The following CCSER1 variants were observed in gnomAD, a reference collection of about 807,000 sequenced individuals.
The protein encoded by CCSER1 is coiled-coil serine rich protein 1.
CCSER1 carries 41 observed loss-of-function variants against 82.0 expected under a neutral mutation model. That is an observed-to-expected ratio of 0.50 (90% CI 0.39 to 0.65). The LOEUF (loss-of-function observed/expected upper bound fraction) is 0.65. Among genes scored for constraint, CCSER1 ranks in the 30% least tolerant of loss-of-function variants. CCSER1 has a pLI of 0.00. For synonymous variants in CCSER1, 414 were observed against 383.9 expected, an observed-to-expected ratio of 1.08 and a Z score of -0.92; for missense variants, 1,119 against 1,064.2, an observed-to-expected ratio of 1.05 and a Z score of -0.72.
intron 10 of CCSER1, among the ~76,000 whole-genome samples, chr4:91,190,199 G>C (rs144767982): frequency 6.6e-6 from 1 of 152,108 alleles, no homozygotes; most frequent in Non-Finnish European, 1.5e-5. Flanking sequence ...ATGGACAAGC[G>C]GTACAATCTC....
rs187370395 is a variant in CCSER1 at position 90,522,754 on chromosome 4, G to A, written c.1724+54400G>A. On this transcript the variant is annotated intron_variant, in intron 5 of 10. Coordinates refer to ENST00000509176, the MANE Select transcript of CCSER1 (RefSeq NM_001145065.2). ...TATGCTCCATTACAGAACTTAACAG[G>A]CATATTATAATTTCTGTTTATAAAT... is the stretch of plus-strand genomic sequence containing the variant. Among the ~76,000 whole-genome samples the A allele has an allele frequency of 6.7e-3, 1,017 of 152,042 alleles. 8 individuals carry two copies. The highest frequency in any genetic ancestry group is 0.011 in the Non-Finnish European group (747 of 67,950).
At chr4:90,546,588 G>A (rs1348996132) in intron 5 of CCSER1, among the ~76,000 whole-genome samples, 1 of 152,000 alleles carries the variant, frequency 6.6e-6, no homozygotes, top group Non-Finnish European at 1.5e-5. Flanking sequence ...CAATTTAGTA[G>A]AAAATAATTT....
chr4:91,137,825 C>A (rs1728635442), intron 10 of CCSER1, among the ~76,000 whole-genome samples: 1 of 150,916 alleles, frequency 6.6e-6, no homozygotes, highest in Non-Finnish European at 1.5e-5. Context: ...TGAGTGAAAT[C>A]CCATTCACAA....
chr4:90,605,198 AC>A (rs1183011825), intron 5 of CCSER1, among the ~76,000 whole-genome samples: 1 of 151,966 alleles, frequency 6.6e-6, no homozygotes, highest in Non-Finnish European at 1.5e-5. Context: ...GAAGTAACAA[AC>A]TCCGGACATA....
Position 90,309,274 on chromosome 4 carries a change from T to C in CCSER1, c.990T>C (p.Cys330=). ...SPGKYRLEGQ[C]STESNSLPET... ...GGAAATATAGGTTAGAGGGTCAATGTAGCACTGAATCTAATTCATTACCGG... is the reference window on the plus strand; with the variant it reads ...GGAAATATAGGTTAGAGGGTCAATGCAGCACTGAATCTAATTCATTACCGG... The change falls in exon 2 of 11, where the codon TGT becomes TGC. Residue 330 remains cysteine, a synonymous_variant. Transcript: ENST00000509176. 1.2e-6 allele frequency: 2 copies of C among 1,613,892 alleles called. No individual in the cohort carries two copies. The highest frequency in any genetic ancestry group is 1.7e-6 in the Non-Finnish European group (2 of 1,179,828).
At chr4:91,482,101 C>T (rs1757950271) in intron 10 of CCSER1, among the ~76,000 whole-genome samples, 1 of 152,080 alleles carries the variant, frequency 6.6e-6, no homozygotes, top group Middle Eastern at 3.4e-3. Flanking sequence ...GAATGGTGAT[C>T]ATTAAAAAGT....
chr4:90,229,969 G>A (rs1170308284), intron 1 of CCSER1, among the ~76,000 whole-genome samples: 2 of 152,044 alleles, frequency 1.3e-5, no homozygotes, highest in Admixed American at 6.6e-5. Flanking sequence ...AGATTCATAA[G>A]GCAAGTCCTG....
chr4:90,308,161 T>C, intron 1 of CCSER1, 83 bp from the exon 2 acceptor site: 1 of 1,060,520 alleles, frequency 9.4e-7, no homozygotes, highest in Non-Finnish European at 1.3e-6. Context: ...ATTTTGTGTC[T>C]CGAAAAGCAA....
intron 7 of CCSER1, among the ~76,000 whole-genome samples, chr4:90,730,719 G>A (rs1190979797): frequency 2.0e-5 from 3 of 152,134 alleles, no homozygotes; most frequent in Non-Finnish European, 4.4e-5. Context: ...TTTTAGTAGA[G>A]ACCATAATGA....
At chr4:90,211,610 G>A (rs1370907068) in intron 1 of CCSER1, among the ~76,000 whole-genome samples, 6 of 152,184 alleles carry the variant, frequency 3.9e-5, no homozygotes, top group African/African-American at 9.7e-5. Flanking sequence ...AGGAAAGCTG[G>A]TGGGATGTAG....
intron 7 of CCSER1, among the ~76,000 whole-genome samples, chr4:90,788,804 T>C (rs1444179022): frequency 2.6e-5 from 4 of 152,206 alleles, no homozygotes; most frequent in Non-Finnish European, 5.9e-5. Context: ...TCCTTTATCA[T>C]TGACTGACTC....
At chr4:90,970,971 G>A (rs7690963) in intron 9 of CCSER1, among the ~76,000 whole-genome samples, 1 of 151,340 alleles carries the variant, frequency 6.6e-6, no homozygotes, top group Non-Finnish European at 1.5e-5. Flanking sequence ...AGAGAAAAAG[G>A]CCTCAAATAA....
intron 3 of CCSER1, among the ~76,000 whole-genome samples, chr4:90,340,467 TC>T (rs1317247838): frequency 6.6e-6 from 1 of 152,190 alleles, no homozygotes; most frequent in Non-Finnish European, 1.5e-5. Flanking sequence ...AAATTGAATT[TC>T]ATTTGTGAAT....
At position 91,117,715 on chromosome 4, in the gene CCSER1, G is replaced by A. The variant is rs147409617; in HGVS notation, c.2217+31721G>A. ...CATAGGCAGAAAAAAAAATGATTAA[G>A]AGCATCAGTTTTGTGGTGTCAACCA... On this transcript the variant is annotated intron_variant, in intron 10 of 10. Transcript: ENST00000509176. Among the ~76,000 whole-genome samples, 23 of 152,242 alleles carry A rather than the reference G, an allele frequency of 1.5e-4. 1 individual carries two copies. Among genetic ancestry groups the A allele is most frequent in the African/African-American group, 4.8e-4 (20 of 41,548 alleles).
intron 4 of CCSER1, among the ~76,000 whole-genome samples, chr4:90,436,288 T>G (rs1402706416): frequency 6.6e-6 from 1 of 152,210 alleles, no homozygotes; most frequent in Non-Finnish European, 1.5e-5. Context: ...GAACTTAATT[T>G]GGGTTGTCTT....
chr4:90,533,139 T>A (rs967830428), intron 5 of CCSER1, among the ~76,000 whole-genome samples: 4 of 138,100 alleles, frequency 2.9e-5, no homozygotes, highest in Non-Finnish European at 6.1e-5. Flanking sequence ...TCGCCCAGAC[T>A]GGAGTGCAGC....
intron 4 of CCSER1, among the ~76,000 whole-genome samples, chr4:90,461,857 A>G (rs904199355): frequency 6.6e-6 from 1 of 152,158 alleles, no homozygotes; most frequent in African/African-American, 2.4e-5. Context: ...AAATGGTACA[A>G]TCTCCTACTA....
chr4:90,142,038 A>C (rs1294382125), intron 1 of CCSER1, among the ~76,000 whole-genome samples: 4 of 152,204 alleles, frequency 2.6e-5, no homozygotes, highest in Admixed American at 6.5e-5. Flanking sequence ...ATAGAGTAAT[A>C]AACATTTGCT....
chr4:91,502,456 TCAA>T (rs1292273344), intron 10 of CCSER1, among the ~76,000 whole-genome samples: 6 of 152,270 alleles, frequency 3.9e-5, no homozygotes, highest in African/African-American at 1.4e-4. Flanking sequence ...AATAATATCA[TCAA>T]CAACAAGAAG....
Sources: allele counts gnomAD v4.1 joint callset (sites outside exome capture counted in the v4.1 genomes callset), GRCh38; gene constraint gnomAD v4.1.1; transcripts MANE v1.5; gene names NCBI Gene and HGNC (gene_info 2026-07-23, HGNC 2026-07-21).